Variants in ARID2 observed in about 807,000 individuals in gnomAD.
ARID2 encodes the protein AT-rich interactive domain-containing protein 2.
In ARID2, 32 loss-of-function variants were observed where a neutral mutation model predicts 184.6. The observed-to-expected ratio is 0.17, with a 90% CI of 0.13 to 0.23. The LOEUF is 0.23. Ranked by LOEUF, ARID2 falls within the 10% of genes least tolerant of loss-of-function variation. ARID2 has a pLI of 1.00. For missense variants in ARID2, 1,696 were observed against 2,197.6 expected, an observed-to-expected ratio of 0.77 and a Z score of 4.56; for synonymous variants, 836 against 772.6, an observed-to-expected ratio of 1.08 and a Z score of -1.36.
chr12:45,877,928 C>T (rs909306744), intron 16 of ARID2, among the ~76,000 whole-genome samples: 2 of 152,142 alleles, frequency 1.3e-5, no homozygotes, highest in African/African-American at 4.8e-5. Context: ...GTGCATATGG[C>T]CTCAGTTTTT....
At chr12:45,826,705 C>T (rs1017532885) in intron 6 of ARID2, among the ~76,000 whole-genome samples, 1 of 152,058 alleles carries the variant, frequency 6.6e-6, no homozygotes, top group Non-Finnish European at 1.5e-5. Flanking sequence ...AAGCATGAAC[C>T]ACCCTGTCTG....
At chr12:45,816,152 AT>A (rs1386743989) in intron 4 of ARID2, among the ~76,000 whole-genome samples, 3 of 152,178 alleles carry the variant, frequency 2.0e-5, no homozygotes, top group African/African-American at 7.2e-5. Context: ...ATTATATAGT[AT>A]CTTAGTGTTC....
chr12:45,769,505 A>G (rs1372030663), intron 3 of ARID2, among the ~76,000 whole-genome samples: 1 of 152,218 alleles, frequency 6.6e-6, no homozygotes, highest in Non-Finnish European at 1.5e-5. Context: ...GTGAAGAGAA[A>G]AAAAGCATGG....
At chr12:45,807,714 TGTA>T (rs1373301659) in intron 3 of ARID2, among the ~76,000 whole-genome samples, 1 of 152,196 alleles carries the variant, frequency 6.6e-6, no homozygotes, top group Admixed American at 6.5e-5. Flanking sequence ...TTAAATTTAT[TGTA>T]GTTTTCTGTG....
chr12:45,837,453 A>G lies in ARID2; in HGVS notation c.1120+36A>G, dbSNP rs763056925. On this transcript the variant is annotated intron_variant, in intron 9 of 20. Coordinates refer to ENST00000334344, the MANE Select transcript of ARID2 (RefSeq NM_152641.4). ...ACTGAAGTATTTACTTTCTAAAGTA[A>G]ACAAACTATCATTTCTTAGTAATAC... 2.5e-6 allele frequency: 4 copies of G among 1,610,674 alleles called. No homozygotes were observed. The African/African-American group carries it at 5.3e-5, about 22-fold the overall frequency.
intron 3 of ARID2, among the ~76,000 whole-genome samples, chr12:45,804,089 T>G (rs985763315): frequency 1.6e-4 from 24 of 152,164 alleles, no homozygotes; most frequent in African/African-American, 5.8e-4. Flanking sequence ...TGTGCCCCAC[T>G]TTGAAGGACA....
rs950941533 is a variant in ARID2 at position 45,908,011 on chromosome 12, A to T, written c.*2933A>T. 4.0e-5 allele frequency: 9 copies of T among 224,936 alleles called. No homozygotes were observed. Among genetic ancestry groups the T allele is most frequent in the African/African-American group, 2.0e-4 (9 of 44,916 alleles). The allele number at this position is 224,936 out of a possible 1,614,324, so 13.9% of individuals were successfully genotyped here. The stretch of plus-strand genomic sequence containing the variant: ...TCATGTATGTTTTTTTAACCATGAA[A>T]TGACAATAAAATGATTTTTAAAATG... On this transcript the variant is annotated 3_prime_UTR_variant, in exon 21 of 21. Coordinates refer to ENST00000334344, the MANE Select transcript of ARID2 (RefSeq NM_152641.4).
chr12:45,883,405 A>T (rs1944135682), intron 16 of ARID2, among the ~76,000 whole-genome samples: 1 of 151,256 alleles, frequency 6.6e-6, no homozygotes, highest in African/African-American at 2.4e-5. Context: ...TATTTACAAT[A>T]GTTGGGAAAA....
At chr12:45,872,534 A>G (rs1463820405) in intron 16 of ARID2, among the ~76,000 whole-genome samples, 2 of 152,186 alleles carry the variant, frequency 1.3e-5, no homozygotes, top group African/African-American at 2.4e-5. Context: ...GAAAGCAACA[A>G]TCATGACAGA....
chr12:45,808,860 A>G (rs529184916), intron 3 of ARID2, among the ~76,000 whole-genome samples: 1 of 152,080 alleles, frequency 6.6e-6, no homozygotes, highest in African/African-American at 2.4e-5. Flanking sequence ...GGCCTCCCAG[A>G]TTCAAACAAT....
chr12:45,765,200 GTTTTCTTTTTC>G lies in ARID2; in HGVS notation c.284+33897_284+33907del, dbSNP rs1208560663. Among the ~76,000 whole-genome samples the G allele has an allele frequency of 1.6e-4, 24 of 151,950 alleles. No homozygotes were observed. In the East Asian group the frequency reaches 4.6e-3, roughly 29 times the overall value. Reference sequence around the variant, plus strand: ...CTCATGCCCATTTCTTTATTGGGTTGTTTTCTTTTTCTTTTCTTTTTTTTTGAGACAAGGTC... The same window carrying G: ...CTCATGCCCATTTCTTTATTGGGTTGTTTTCTTTTTTTTTGAGACAAGGTC... On this transcript the variant is annotated intron_variant, in intron 3 of 20. Coordinates refer to ENST00000334344, the MANE Select transcript of ARID2 (RefSeq NM_152641.4).
intron 16 of ARID2, among the ~76,000 whole-genome samples, chr12:45,862,642 G>A (rs761490934): frequency 1.3e-5 from 2 of 152,098 alleles, no homozygotes; most frequent in Admixed American, 1.3e-4. Flanking sequence ...CTAGGAATTC[G>A]AGTCTAGCTT....
chr12:45,901,166 T>A (rs1161949075), intron 20 of ARID2, among the ~76,000 whole-genome samples: 1 of 55,990 alleles, frequency 1.8e-5, no homozygotes, highest in East Asian at 5.8e-4. Flanking sequence ...TTTTTTTTTT[T>A]TTTTTTTTTT....
At chr12:45,842,721 C>CA (rs1236070724) in intron 11 of ARID2, among the ~76,000 whole-genome samples, 3 of 151,298 alleles carry the variant, frequency 2.0e-5, no homozygotes, top group African/African-American at 7.3e-5. Flanking sequence ...CATGCCACTG[C>CA]ACTCCAGCTT....
chr12:45,878,355 G>A (rs1288934894), intron 16 of ARID2, among the ~76,000 whole-genome samples: 2 of 152,152 alleles, frequency 1.3e-5, no homozygotes, highest in East Asian at 3.9e-4. Flanking sequence ...TATTCCCACT[G>A]CATATATTTG....
intron 16 of ARID2, among the ~76,000 whole-genome samples, chr12:45,872,745 T>C (rs771835925): frequency 6.6e-6 from 1 of 152,196 alleles, no homozygotes; most frequent in Non-Finnish European, 1.5e-5. Context: ...TTTCAGAGTA[T>C]ACATATGATT....
In ARID2 at chr12:45,867,672, G is replaced by A. The variant is rs551580977; in HGVS notation, c.4922+6723G>A. ...GCAGGAAAATGGCATGAACCCTGGAGGCGGAGCTTGCAGTGAGCCCAGATC... is the reference window on the plus strand; with the variant it reads ...GCAGGAAAATGGCATGAACCCTGGAAGCGGAGCTTGCAGTGAGCCCAGATC... On this transcript the variant is annotated intron_variant, in intron 16 of 20. Coordinates refer to ENST00000334344, the MANE Select transcript of ARID2 (RefSeq NM_152641.4). Among the ~76,000 whole-genome samples the A allele has an allele frequency of 3.0e-4, 45 of 151,810 alleles. 1 individual carries two copies. The East Asian group carries it at 7.7e-3, about 26-fold the overall frequency.
chr12:45,789,983 G>C (rs1047080828), intron 3 of ARID2, among the ~76,000 whole-genome samples: 1 of 152,080 alleles, frequency 6.6e-6, no homozygotes, highest in African/African-American at 2.4e-5. Flanking sequence ...AAACGATTTT[G>C]TCTTTTATTA....
chr12:45,735,418 C>CTCGT (rs371983742), intron 3 of ARID2, among the ~76,000 whole-genome samples: 16 of 141,398 alleles, frequency 1.1e-4, no homozygotes, highest in Non-Finnish European at 1.8e-4. Flanking sequence ...TAAACTGTAT[C>CTCGT]GTGTGTGTGT....
Sources: allele counts gnomAD v4.1 joint callset (sites outside exome capture counted in the v4.1 genomes callset), GRCh38; gene constraint gnomAD v4.1.1; transcripts MANE v1.5; gene names NCBI Gene and HGNC (gene_info 2026-07-23, HGNC 2026-07-21).